The following ITGAD variants were observed in gnomAD, a reference collection of about 807,000 sequenced individuals.
ITGAD encodes integrin alpha-D.
A neutral mutation model predicts 139.0 loss-of-function variants in ITGAD; 105 were observed. The observed-to-expected ratio is 0.76, with a 90% CI of 0.65 to 0.89. ITGAD has a LOEUF of 0.89. Ranked by LOEUF, ITGAD falls within the 40% of genes least tolerant of loss-of-function variation. The pLI, the probability that ITGAD is intolerant of heterozygous loss-of-function variation, is 0.00. For missense variants in ITGAD, 1,384 were observed against 1,487.3 expected, an observed-to-expected ratio of 0.93 and a Z score of 1.14; for synonymous variants, 569 against 598.3, an observed-to-expected ratio of 0.95 and a Z score of 0.71.
intron 18 of ITGAD, among the ~76,000 whole-genome samples, chr16:31,415,742 A>G (rs1044682350): frequency 1.3e-5 from 2 of 152,028 alleles, no homozygotes; most frequent in Non-Finnish European, 2.9e-5. Context: ...TGAAGGCCAC[A>G]CTCAGCATCT....
chr16:31,408,720 A>C, intron 10 of ITGAD: 1 of 527,208 alleles, frequency 1.9e-6, no homozygotes, highest in East Asian at 3.3e-5. Context: ...GACAGTAAGC[A>C]AGAGCCTCTC....
At chr16:31,405,657 T>C (rs1175239532) in intron 7 of ITGAD, among the ~76,000 whole-genome samples, 4 of 149,508 alleles carry the variant, frequency 2.7e-5, no homozygotes, top group Non-Finnish European at 5.9e-5. Context: ...TTTTTTTTTT[T>C]TTTTGAGACA....
chr16:31,418,226 T>A, intron 21 of ITGAD, 35 bp downstream of exon 21: 1 of 1,605,788 alleles, frequency 6.2e-7, no homozygotes, highest in Non-Finnish European at 8.5e-7. Context: ...ATCACTGTCC[T>A]CCCTTGTCCC....
Position 31,418,453 on chromosome 16 carries a change from C to G in ITGAD, c.2697-28C>G, listed in dbSNP as rs759115506. 8.1e-6 allele frequency: 13 copies of G among 1,609,890 alleles called. No homozygotes were observed. In the East Asian group the frequency reaches 1.1e-4, roughly 14 times the overall value. ...TAGAGACCCCTCTCCTGGATTCCTT[C>G]CCATTGGTCCCTCCTTTCTGTCTCC... is the stretch of plus-strand genomic sequence containing the variant. On this transcript the variant is annotated intron_variant, in intron 22 of 29. Transcript: ENST00000389202.
chr16:31,409,083 C>T (rs1395421040), intron 10 of ITGAD, among the ~76,000 whole-genome samples: 2 of 152,276 alleles, frequency 1.3e-5, no homozygotes, highest in East Asian at 3.9e-4. Flanking sequence ...CACTTGAGGT[C>T]AGGAGTTTGA....
chr16:31,402,123 C>T lies in ITGAD; in HGVS notation c.436C>T (p.His146Tyr). The T allele has an allele frequency of 6.2e-7, 1 of 1,613,810 alleles. No individual in the cohort carries two copies. The highest frequency in any genetic ancestry group is 2.2e-5 in the East Asian group (1 of 44,866). The change falls in exon 6 of 30, where the codon CAT (histidine) becomes TAT (tyrosine). Residue 146 changes from histidine to tyrosine, a missense_variant. Coordinates refer to ENST00000389202, the MANE Select transcript of ITGAD (RefSeq NM_005353.3). Reference protein sequence around the residue: ...TVPDATPECPHQEMDIVFLID... With the variant: ...TVPDATPECPYQEMDIVFLID... ...TCCCCATTCCCCCACAGAGTGTCCA[C>T]ATCAAGAGATGGACATCGTCTTCCT...
intron 5 of ITGAD, among the ~76,000 whole-genome samples, 172 bp from the exon 6 acceptor site, chr16:31,401,943 T>C (rs1002735559): frequency 7.9e-5 from 12 of 152,090 alleles, no homozygotes; most frequent in African/African-American, 2.7e-4. Context: ...TTCCAGGCCA[T>C]GTGGGAGGAA....
chr16:31,410,743 C>T lies in ITGAD; in HGVS notation c.1221C>T (p.Ser407=), dbSNP rs377090888. 5.0e-6 allele frequency: 8 copies of T among 1,611,124 alleles called. No individual in the cohort carries two copies. In the African/African-American group the frequency reaches 8.0e-5, roughly 16 times the overall value. Residue 407 remains serine (S), a synonymous_variant, in exon 12 of 30, where the codon TCC becomes TCT. Coordinates refer to ENST00000389202, the MANE Select transcript of ITGAD (RefSeq NM_005353.3). Reference sequence around the variant, plus strand: ...GAGGCCTGGGCCCCTCAGGTTACTCCACCGAGCTAGCCCTGTGGAAGGGGG... The same window carrying T: ...GAGGCCTGGGCCCCTCAGGTTACTCTACCGAGCTAGCCCTGTGGAAGGGGG... ...VDMRDSYLGY[S]TELALWKGVQ...
Position 31,402,239 on chromosome 16 carries a change from C to G in ITGAD, c.552C>G (p.Asp184Glu). 1 of 1,541,932 alleles carries G rather than the reference C, an allele frequency of 6.5e-7. No homozygotes were observed. The highest frequency in any genetic ancestry group is 8.9e-7 in the Non-Finnish European group (1 of 1,125,326). The stretch of plus-strand genomic sequence containing the variant: ...TCATGGGCCAGTTTGAGGGCACTGA[C>G]ACCCTGGTGAAGACTGGGCACCTGG... Reference protein sequence around the residue: ...QAVMGQFEGTDTLFALMQYSN... With the variant: ...QAVMGQFEGTETLFALMQYSN... The change falls in exon 6 of 30, where the codon GAC (aspartate) becomes GAG (glutamate). Residue 184 changes from aspartate to glutamate, a missense_variant. Physicochemically the swap from Asp to Glu is conservative, Grantham distance 45. Coordinates refer to ENST00000389202, the MANE Select transcript of ITGAD (RefSeq NM_005353.3).
chr16:31,421,898 G>A (rs1331117547), intron 23 of ITGAD, among the ~76,000 whole-genome samples: 4 of 152,120 alleles, frequency 2.6e-5, no homozygotes, highest in Non-Finnish European at 5.9e-5. Flanking sequence ...TGCTGCATGC[G>A]AGGTGCAGGC....
intron 5 of ITGAD, among the ~76,000 whole-genome samples, chr16:31,400,179 C>T (rs1025146810): frequency 1.2e-4 from 19 of 152,322 alleles, no homozygotes; most frequent in East Asian, 5.8e-4. Context: ...GGGCAAAAAA[C>T]GGGGAGCTCC....
chr16:31,393,526 C>A, intron 1 of ITGAD, 135 bp downstream of exon 1: 2 of 898,752 alleles, frequency 2.2e-6, no homozygotes, highest in Non-Finnish European at 1.8e-6. Flanking sequence ...GCTTCATGTG[C>A]GAGTGGCCCG....
chr16:31,418,269 T>C, intron 21 of ITGAD, 32 bp from the exon 22 acceptor site: 1 of 1,610,526 alleles, frequency 6.2e-7, no homozygotes, highest in Non-Finnish European at 8.5e-7. Flanking sequence ...GCCCTTCCTT[T>C]TATCCCCATT....
chr16:31,403,914 A>G lies in ITGAD; in HGVS notation c.704+269A>G. 2.2e-6 allele frequency: 1 copy of G among 458,256 alleles called. No individual in the cohort carries two copies. Among genetic ancestry groups the G allele is most frequent in the Non-Finnish European group, 4.0e-6 (1 of 250,860 alleles). The allele number at this position is 458,256 out of a possible 1,614,324, so 28.4% of individuals were successfully genotyped here. ...GGACCCCAGGACCCCTCCCCACCCC[A>G]CAGCAGCCAGAGGCCCGGGCTTTGG... On this transcript the variant is annotated intron_variant, in intron 7 of 29. Transcript: ENST00000389202. This position sits in a 1 kb window ranked among gnomAD's most constrained non-coding sequence, Gnocchi z 4.4.
chr16:31,416,761 TCTCACA>T, intron 20 of ITGAD, 115 bp downstream of exon 20: 1 of 956,860 alleles, frequency 1.0e-6, no homozygotes, highest in Non-Finnish European at 1.5e-6. Context: ...TCTCTCTCTC[TCTCACA>T]CACACACACA....
At chr16:31,407,016 CTT>C (rs549862476) in intron 7 of ITGAD, among the ~76,000 whole-genome samples, 1 of 152,158 alleles carries the variant, frequency 6.6e-6, no homozygotes, top group Non-Finnish European at 1.5e-5. Context: ...AAGAATGTGA[CTT>C]TTTTTATTAT....
Position 31,410,827 on chromosome 16 carries a change from C to T in ITGAD, c.1305C>T (p.Phe435=), listed in dbSNP as rs777722723. 6.2e-6 allele frequency: 10 copies of T among 1,613,690 alleles called. No individual in the cohort carries two copies. In the East Asian group the frequency reaches 2.2e-4, roughly 36 times the overall value. ...RYQHTGKAVI[F]TQVSRQWRKK... ...AGCATACCGGGAAGGCTGTCATCTT[C>T]ACCCAGGTGTCCAGGCAATGGAGGA... The change falls in exon 12 of 30, where the codon TTC becomes TTT. Residue 435 remains phenylalanine (F), a synonymous_variant. Coordinates refer to ENST00000389202, the MANE Select transcript of ITGAD (RefSeq NM_005353.3).
chr16:31,413,098 G>T lies in ITGAD; in HGVS notation c.1848G>T (p.Pro616=). 1 of 1,614,074 alleles carries T rather than the reference G, an allele frequency of 6.2e-7. No homozygotes were observed. Among genetic ancestry groups the T allele is most frequent in the Non-Finnish European group, 8.5e-7 (1 of 1,180,002 alleles). ...CTACTCTGCCCCTCAGGAGTCTGCC[G>T]GTGCTGAAAGTGGGGGTGGCCATGA... ...RGQVLLLRSL[P]VLKVGVAMRF... is the part of the protein sequence containing the mutation. The change falls in exon 16 of 30, where the codon CCG becomes CCT. Residue 616 remains proline (P), a synonymous_variant. Coordinates refer to ENST00000389202, the MANE Select transcript of ITGAD (RefSeq NM_005353.3).
chr16:31,424,287 G>A, intron 28 of ITGAD, 84 bp downstream of exon 28: 1 of 1,535,262 alleles, frequency 6.5e-7, no homozygotes, highest in Non-Finnish European at 9.0e-7. Flanking sequence ...GGGTTTGCAA[G>A]CCTTGCGGGA....
Sources: allele counts gnomAD v4.1 joint callset (sites outside exome capture counted in the v4.1 genomes callset), GRCh38; gene constraint gnomAD v4.1.1; non-coding constraint Gnocchi (gnomAD v3.1); transcripts MANE v1.5; gene names NCBI Gene and HGNC (gene_info 2026-07-23, HGNC 2026-07-21).